The following CAST variants were observed in gnomAD, a reference collection of about 807,000 sequenced individuals.
CAST encodes MIR583 host.
A neutral mutation model predicts 119.6 loss-of-function variants in CAST; 76 were observed. That is an observed-to-expected ratio of 0.64 (90% confidence interval 0.53 to 0.77). CAST has a LOEUF of 0.77. Ranked by LOEUF, CAST falls within the 30% of genes least tolerant of loss-of-function variation. CAST has a pLI of 0.00. For missense variants in CAST, 953 were observed against 946.5 expected (o/e 1.01, Z -0.09); for synonymous variants, 319 against 331.6 (o/e 0.96, Z 0.41).
the CAST span, chr5:96,412,517 A>T: frequency 6.2e-7 from 1 of 1,603,904 alleles, no homozygotes; most frequent in Non-Finnish European, 8.5e-7. Flanking sequence ...ACAAAGACAC[A>T]CAAAGGTTGA....
At chr5:96,525,046 C>T (rs1745576735), upstream of CAST, among the ~76,000 whole-genome samples, 1 of 152,202 alleles carries the variant, frequency 6.6e-6, no homozygotes, top group Non-Finnish European at 1.5e-5. Context: ...TGTTTTTCTA[C>T]ATGGATGTAA....
At chr5:96,022,546 C>T in the CAST span, among the ~76,000 whole-genome samples, 2 of 152,146 alleles carry the variant, frequency 1.3e-5, no homozygotes, top group African/African-American at 4.8e-5. Context: ...TTCTTAGAAC[C>T]ATAGTTCCCC....
the CAST span, among the ~76,000 whole-genome samples, chr5:95,994,197 C>T: frequency 6.6e-6 from 1 of 152,100 alleles, no homozygotes; most frequent in Admixed American, 6.6e-5. Flanking sequence ...AAATATGTGT[C>T]CATACAAAGA....
At chr5:96,609,653 G>GT (rs1747324403) in intron 1 of CAST, among the ~76,000 whole-genome samples, 1 of 152,210 alleles carries the variant, frequency 6.6e-6, no homozygotes, top group Non-Finnish European at 1.5e-5. Flanking sequence ...AATTAAAATT[G>GT]TAAGTATTTG....
chr5:95,995,764 A>G, the CAST span, among the ~76,000 whole-genome samples: 1 of 152,090 alleles, frequency 6.6e-6, no homozygotes, highest in African/African-American at 2.4e-5. Context: ...TTTGGGGGTT[A>G]GAATTTGTGT....
chr5:96,355,661 G>A, the CAST span, among the ~76,000 whole-genome samples: 1 of 151,940 alleles, frequency 6.6e-6, no homozygotes, highest in Non-Finnish European at 1.5e-5. Flanking sequence ...TAAAAGCATT[G>A]CTATTTCTCC....
the CAST span, among the ~76,000 whole-genome samples, chr5:96,313,024 C>T: frequency 0.19 from 28,625 of 151,894 alleles, 3,506 homozygotes; most frequent in Non-Finnish European, 0.25. Context: ...GGTTGATTGA[C>T]GTTCAAGTCT....
the CAST span, among the ~76,000 whole-genome samples, chr5:96,082,207 C>G: frequency 1.3e-5 from 2 of 152,164 alleles, no homozygotes; most frequent in South Asian, 4.1e-4. Flanking sequence ...CCACCACACC[C>G]AGCTCTTATT....
intron 1 of CAST, among the ~76,000 whole-genome samples, chr5:96,540,443 CTT>C (rs1561410864): frequency 1.3e-5 from 2 of 151,998 alleles, no homozygotes; most frequent in East Asian, 3.9e-4. Context: ...TTATTAATGA[CTT>C]TATTTTTAGA....
At chr5:96,363,069 C>T in the CAST span, among the ~76,000 whole-genome samples, 6 of 147,946 alleles carry the variant, frequency 4.1e-5, 1 homozygote, top group South Asian at 8.6e-4. Flanking sequence ...CCAGTTTTCC[C>T]AGCACCATTT....
the CAST span, among the ~76,000 whole-genome samples, chr5:96,029,261 G>C: frequency 6.6e-6 from 1 of 152,056 alleles, no homozygotes; most frequent in Admixed American, 6.6e-5. Flanking sequence ...GTGGATTTTG[G>C]CAGATAATGA....
the CAST span, among the ~76,000 whole-genome samples, chr5:96,063,352 C>G: frequency 6.6e-6 from 1 of 152,178 alleles, no homozygotes; most frequent in East Asian, 1.9e-4. Flanking sequence ...TCCCTTGAGA[C>G]TTGGGTGGTC....
At chr5:96,065,526 A>G in the CAST span, among the ~76,000 whole-genome samples, 2 of 152,138 alleles carry the variant, frequency 1.3e-5, no homozygotes, top group African/African-American at 4.8e-5. Context: ...AGGCAAATTA[A>G]TATTTTCTAG....
chr5:96,086,038 A>G, the CAST span, among the ~76,000 whole-genome samples: 5 of 152,200 alleles, frequency 3.3e-5, no homozygotes, highest in African/African-American at 1.2e-4. Flanking sequence ...AGTCTCTAAT[A>G]CAAAACAGCA....
At chr5:96,743,910 G>A (rs1763205960) in intron 16 of CAST, among the ~76,000 whole-genome samples, 1 of 152,198 alleles carries the variant, frequency 6.6e-6, no homozygotes, top group Non-Finnish European at 1.5e-5. Context: ...CCACCTGAGG[G>A]CGACAGGGCC....
At chr5:96,123,970 T>C in the CAST span, among the ~76,000 whole-genome samples, 2 of 152,176 alleles carry the variant, frequency 1.3e-5, no homozygotes, top group African/African-American at 4.8e-5. Flanking sequence ...CAGTTACCTC[T>C]TGTTTCCATA....
At chr5:96,171,299 T>G in the CAST span, among the ~76,000 whole-genome samples, 1 of 152,104 alleles carries the variant, frequency 6.6e-6, no homozygotes, top group Non-Finnish European at 1.5e-5. Context: ...CATTTAGGTT[T>G]TAGGTCAGGT....
the CAST span, among the ~76,000 whole-genome samples, chr5:95,982,212 G>C: frequency 1.3e-3 from 201 of 152,000 alleles, 1 homozygote; most frequent in Admixed American, 4.2e-3. Flanking sequence ...GTTAACATCA[G>C]TCCAATACTA....
chr5:96,444,896 G>A, the CAST span, among the ~76,000 whole-genome samples: 1 of 152,126 alleles, frequency 6.6e-6, no homozygotes. Flanking sequence ...AGTTGAGAGC[G>A]AGAAAAGAAA....
Sources: allele counts gnomAD v4.1 joint callset (sites outside exome capture counted in the v4.1 genomes callset), GRCh38; gene constraint gnomAD v4.1.1; transcripts MANE v1.5; gene names NCBI Gene and HGNC (gene_info 2026-07-23, HGNC 2026-07-21).